BTD: variants seen among roughly 807,000 people sequenced by gnomAD.
BTD encodes the protein biocytinase.
Under a neutral mutation model 17.7 loss-of-function variants are expected in BTD, and 13 were observed. The observed-to-expected ratio is 0.74, with a 90% confidence interval of 0.48 to 1.17. The LOEUF (loss-of-function observed/expected upper bound fraction) is 1.17, where lower values mean the gene tolerates loss of function less well. BTD is among the 50% of genes most tolerant of loss of function. The pLI, the probability that BTD is intolerant of heterozygous loss-of-function variation, is 0.00. For synonymous variants in BTD, 240 were observed against 245.2 expected (o/e 0.98, Z 0.20); for missense variants, 674 against 650.4 (o/e 1.04, Z -0.39).
intron 3 of BTD, chr3:15,685,995 T>C: frequency 5.0e-6 from 8 of 1,609,558 alleles, no homozygotes; most frequent in Non-Finnish European, 6.8e-6. Context: ...AGCATATTTC[T>C]GCTTACCCCT....
chr3:15,630,453 C>A (rs1373438770), intron 1 of BTD, among the ~76,000 whole-genome samples: 1 of 152,132 alleles, frequency 6.6e-6, no homozygotes, highest in Non-Finnish European at 1.5e-5. Context: ...ACATTAAATA[C>A]CTGGGCATTT....
At chr3:15,670,675 A>G (rs1352216517) in intron 3 of BTD, 3 of 1,046,216 alleles carry the variant, frequency 2.9e-6, no homozygotes, top group Middle Eastern at 2.7e-4. Context: ...AGCTTATAAT[A>G]AATTGCTGTA....
chr3:15,688,596 G>A (rs1323435145), intron 3 of BTD, among the ~76,000 whole-genome samples: 1 of 152,198 alleles, frequency 6.6e-6, no homozygotes, highest in South Asian at 2.1e-4. Flanking sequence ...TTTGAAGGGC[G>A]GCTCTGGGAG....
chr3:15,649,552 AGCTCCGCCTGACC>A lies in BTD; in HGVS notation c.*4065_*4077del, dbSNP rs2065767834. The stretch of plus-strand genomic sequence containing the variant: ...CAAAGTTCACATTCTGCACAGCCTC[AGCTCCGCCTGACC>A]TCTGAGCTCACATGATGGCCCTTAC... On this transcript the variant is annotated 3_prime_UTR_variant, in exon 4 of 4. Transcript: ENST00000643237. 3.9e-5 allele frequency among the ~76,000 whole-genome samples: 6 copies of A among 152,326 alleles called. No homozygotes were observed. The highest frequency in any genetic ancestry group is 1.4e-4 in the African/African-American group (6 of 41,574).
At chr3:15,661,362 A>G (rs1032277054) in intron 3 of BTD, among the ~76,000 whole-genome samples, 4 of 151,532 alleles carry the variant, frequency 2.6e-5, no homozygotes, top group African/African-American at 9.7e-5. Context: ...AATTTCCACC[A>G]TTCTAATTGG....
At chr3:15,622,204 T>A (rs2064967774) in intron 1 of BTD, among the ~76,000 whole-genome samples, 1 of 152,218 alleles carries the variant, frequency 6.6e-6, no homozygotes. Context: ...TACTTTGGAA[T>A]TAAGTTGCTC....
At chr3:15,605,053 C>T (rs1028488343) in intron 1 of BTD, among the ~76,000 whole-genome samples, 1 of 152,236 alleles carries the variant, frequency 6.6e-6, no homozygotes, top group African/African-American at 2.4e-5. Flanking sequence ...TTACCCAGTT[C>T]CAAAGTTATT....
chr3:15,608,907 T>G (rs916596322), intron 1 of BTD, among the ~76,000 whole-genome samples: 15 of 152,256 alleles, frequency 9.9e-5, no homozygotes, highest in East Asian at 1.9e-4. Context: ...TTCACTTGCT[T>G]CTTCTGCCAT....
chr3:15,707,634 G>GA (rs1325095969), intron 3 of BTD, among the ~76,000 whole-genome samples: 2 of 152,066 alleles, frequency 1.3e-5, no homozygotes, highest in Non-Finnish European at 2.9e-5. Flanking sequence ...AAGTCAGGTG[G>GA]AAAAAAACAT....
chr3:15,697,480 T>C (rs2069800740), intron 3 of BTD: 1 of 152,004 alleles, frequency 6.6e-6, no homozygotes, highest in Non-Finnish European at 1.5e-5. Context: ...TGAAATAAAA[T>C]ACAATAAAAA....
intron 1 of BTD, among the ~76,000 whole-genome samples, chr3:15,607,139 C>T (rs1000230584): frequency 2.0e-5 from 3 of 152,094 alleles, no homozygotes; most frequent in Non-Finnish European, 4.4e-5. Context: ...GGACTATCCA[C>T]ATTCTTTATT....
At position 15,679,252 on chromosome 3, in the gene BTD, G is replaced by A. The variant is rs571412134; in HGVS notation, c.400-30808G>A. ...CCCAGATTGTTAGGATTATAGGCAT[G>A]AGCCACTGTGCCTGGCTAAAACTAT... On this transcript the variant is annotated intron_variant, in intron 3 of 3. Transcript: ENST00000672141. 3.0e-5 allele frequency: 45 copies of A among 1,524,144 alleles called. No individual in the cohort carries two copies. The South Asian group carries it at 4.8e-4, about 16-fold the overall frequency. The allele number at this position is 1,524,144 out of a possible 1,614,324, so 94.4% of individuals were successfully genotyped here. A position where few individuals can be genotyped will look rare whatever the true frequency, so the allele number is the denominator to read the frequency against.
intron 2 of BTD, among the ~76,000 whole-genome samples, chr3:15,638,042 T>C (rs2065398183): frequency 6.6e-6 from 1 of 152,232 alleles, no homozygotes; most frequent in Admixed American, 6.5e-5. Context: ...CCAGCAGCAC[T>C]TTTATTTTTC....
At chr3:15,709,509 G>A (rs983751956) in intron 3 of BTD, among the ~76,000 whole-genome samples, 4 of 152,122 alleles carry the variant, frequency 2.6e-5, no homozygotes, top group Non-Finnish European at 5.9e-5. Flanking sequence ...GGGTGAGAAC[G>A]AATATTTGGA....
intron 1 of BTD, among the ~76,000 whole-genome samples, chr3:15,627,287 A>G (rs1047827151): frequency 8.5e-5 from 13 of 152,168 alleles, no homozygotes; most frequent in South Asian, 4.1e-4. Flanking sequence ...GGGTCCTGCA[A>G]TCACAGCTCA....
rs1318805355 is a variant in BTD at position 15,647,340 on chromosome 3, C to T, written c.*1852C>T. 1.3e-5 allele frequency: 2 copies of T among 152,266 alleles called. No individual in the cohort carries two copies. The highest frequency in any genetic ancestry group is 1.3e-4 in the Admixed American group (2 of 15,294). The allele number at this position is 152,266 out of a possible 1,614,324, so 9.4% of individuals were successfully genotyped here. A position where few individuals can be genotyped will look rare whatever the true frequency, so the allele number is the denominator to read the frequency against. The stretch of plus-strand genomic sequence containing the variant: ...ATCATTGCCTTATGCCAAGATGATT[C>T]AAATAAGCCTGAGAAAGAGAGGCCA... On this transcript the variant is annotated 3_prime_UTR_variant, in exon 4 of 4. Transcript: ENST00000643237.
At chr3:15,681,904 T>A (rs1014924504) in intron 3 of BTD, among the ~76,000 whole-genome samples, 2 of 152,186 alleles carry the variant, frequency 1.3e-5, no homozygotes, top group African/African-American at 4.8e-5. Flanking sequence ...GCAACAATCA[T>A]CTGGCCCAAA....
chr3:15,713,109 T>G (rs896010719), downstream of BTD, among the ~76,000 whole-genome samples: 2 of 152,142 alleles, frequency 1.3e-5, no homozygotes, highest in South Asian at 4.1e-4. Context: ...GGGTAAGAAC[T>G]CCTTCGTAGG....
intron 2 of BTD, among the ~76,000 whole-genome samples, chr3:15,640,413 T>C (rs1426542007): frequency 4.0e-5 from 6 of 150,704 alleles, no homozygotes; most frequent in South Asian, 4.2e-4. Context: ...TTTTTTGTGG[T>C]GGAGTTTCAC....
Sources: allele counts gnomAD v4.1 joint callset (sites outside exome capture counted in the v4.1 genomes callset), GRCh38; gene constraint gnomAD v4.1.1; transcripts MANE v1.5; gene names NCBI Gene and HGNC (gene_info 2026-07-23, HGNC 2026-07-21).